FMN1: variants seen among roughly 807,000 people sequenced by gnomAD.
The protein encoded by FMN1 is formin-1.
A neutral mutation model predicts 132.4 loss-of-function variants in FMN1; 110 were observed. The observed-to-expected ratio is 0.83, with a 90% CI of 0.71 to 0.97. FMN1 has a LOEUF of 0.97. Ranked by LOEUF, FMN1 falls within the 50% of genes least tolerant of loss-of-function variation. The pLI is 0.00. For synonymous variants in FMN1, 722 were observed against 651.7 expected (o/e 1.11, Z -1.64); for missense variants, 1,792 against 1,705.3 (o/e 1.05, Z -0.90).
At chr15:32,906,023 A>C (rs572640430) in intron 12 of FMN1, among the ~76,000 whole-genome samples, 28 of 152,344 alleles carry the variant, frequency 1.8e-4, no homozygotes, top group South Asian at 8.3e-4. Flanking sequence ...ATAAACATTA[A>C]AAATGCTTTT....
chr15:33,009,307 T>C (rs1375933), intron 6 of FMN1, among the ~76,000 whole-genome samples: 11,987 of 152,258 alleles, frequency 0.079, 682 homozygotes, highest in Middle Eastern at 0.16. Context: ...TTAGCACCAC[T>C]GTAACTGATG....
At chr15:33,047,386 T>C (rs1048917430) in intron 6 of FMN1, among the ~76,000 whole-genome samples, 2 of 152,242 alleles carry the variant, frequency 1.3e-5, no homozygotes, top group African/African-American at 4.8e-5. Context: ...GCGAGAAATA[T>C]TGGCCACTTT....
At position 33,185,568 on chromosome 15, in the gene FMN1, A is replaced by ATTTTTTTTTTTTTT. The variant is rs57232200; in HGVS notation, c.-196-5320_-196-5307dup. 5.3e-3 allele frequency among the ~76,000 whole-genome samples: 603 copies of ATTTTTTTTTTTTTT among 113,328 alleles called. 53 individuals carry two copies. Among genetic ancestry groups the ATTTTTTTTTTTTTT allele is most frequent in the African/African-American group, 0.023 (542 of 23,812 alleles). The allele number at this position is 113,328 out of a possible 152,430, so 74.3% of individuals were successfully genotyped here. Reference sequence around the variant, plus strand: ...GTAATTTTTTTTTAATAAAGTAAGAATTTTTTTTTTTTTTTTTTTTTTACA... The same window carrying ATTTTTTTTTTTTTT: ...GTAATTTTTTTTTAATAAAGTAAGAATTTTTTTTTTTTTTTTTTTTTTTTTTTTTTTTTTTTACA... On this transcript the variant is annotated intron_variant, in intron 2 of 20. Coordinates refer to ENST00000616417, the MANE Select transcript of FMN1 (RefSeq NM_001277313.2).
chr15:33,078,388 A>T (rs761878995), intron 5 of FMN1, among the ~76,000 whole-genome samples: 3 of 152,150 alleles, frequency 2.0e-5, no homozygotes, highest in Non-Finnish European at 4.4e-5. Context: ...ACATCATTTT[A>T]ATTGGATATT....
intron 2 of FMN1, among the ~76,000 whole-genome samples, chr15:33,192,662 GA>G (rs1467767054): frequency 6.6e-6 from 1 of 152,134 alleles, no homozygotes; most frequent in Non-Finnish European, 1.5e-5. Context: ...GTGCTATAAG[GA>G]ACCTGAAGAC....
At chr15:33,118,071 A>G (rs1159363063) in intron 4 of FMN1, among the ~76,000 whole-genome samples, 1 of 152,208 alleles carries the variant, frequency 6.6e-6, no homozygotes, top group Non-Finnish European at 1.5e-5. Flanking sequence ...GACTTTCCAC[A>G]AGAAGAAATC....
chr15:33,099,427 G>T (rs1035765902), intron 4 of FMN1, among the ~76,000 whole-genome samples: 2 of 152,156 alleles, frequency 1.3e-5, no homozygotes, highest in African/African-American at 2.4e-5. Flanking sequence ...GGCATCTAGG[G>T]TGATTGCTAC....
chr15:32,787,998 A>G (rs1406493134), intron 19 of FMN1, among the ~76,000 whole-genome samples: 1 of 152,238 alleles, frequency 6.6e-6, no homozygotes, highest in African/African-American at 2.4e-5. Flanking sequence ...TAGAGACTGC[A>G]TGCATTTCAC....
intron 6 of FMN1, among the ~76,000 whole-genome samples, chr15:33,047,821 A>G (rs953442807): frequency 6.6e-6 from 1 of 152,150 alleles, no homozygotes; most frequent in Non-Finnish European, 1.5e-5. Context: ...TAGAAACTGC[A>G]TACTTTCCTG....
intron 9 of FMN1, among the ~76,000 whole-genome samples, chr15:32,947,717 T>G (rs531360123): frequency 1.3e-4 from 20 of 152,212 alleles, no homozygotes; most frequent in Non-Finnish European, 2.5e-4. Flanking sequence ...CTACACTGAC[T>G]CGACCATATT....
Position 32,958,054 on chromosome 15 carries a change from T to C in FMN1, c.3138+6053A>G, listed in dbSNP as rs971615312. Among the ~76,000 whole-genome samples the C allele has an allele frequency of 7.9e-5, 12 of 152,170 alleles. No individual in the cohort carries two copies. In the South Asian group the frequency reaches 2.1e-3, roughly 26 times the overall value. ...ATTATAGCTAATATTTTAAATGGAA[T>C]TGATAAGGTCAAAGAAAAACACCAG... On this transcript the variant is annotated intron_variant, in intron 9 of 20. Coordinates refer to ENST00000616417, the MANE Select transcript of FMN1 (RefSeq NM_001277313.2).
chr15:33,104,663 A>G (rs1357205968), intron 4 of FMN1, among the ~76,000 whole-genome samples: 1 of 152,110 alleles, frequency 6.6e-6, no homozygotes, highest in African/African-American at 2.4e-5. Flanking sequence ...TCCTGAAGCA[A>G]TGTTTTCCAC....
intron 6 of FMN1, among the ~76,000 whole-genome samples, chr15:33,048,651 C>CAAAAAAAAAAAAAAAAAAAAAAAAA (rs1338668794): frequency 6.7e-5 from 8 of 120,128 alleles, no homozygotes; most frequent in Non-Finnish European, 1.1e-4. Context: ...AAAAAAAAAC[C>CAAAAAAAAAAAAAAAAAAAAAAAAA]AACAGTTTAA....
At chr15:33,124,587 C>T (rs1338405185) in intron 4 of FMN1, among the ~76,000 whole-genome samples, 8 of 152,128 alleles carry the variant, frequency 5.3e-5, no homozygotes, top group Non-Finnish European at 1.2e-4. Flanking sequence ...TGGTCTTCAC[C>T]ATCAGCATAT....
Position 32,769,208 on chromosome 15 carries a change from A to G in FMN1, c.*5102T>C, listed in dbSNP as rs1222616830. ...CAAGTTGTTAACTACACGTTTCCCA[A>G]ATCCTAACTTTATATCACAGTATTG... On this transcript the variant is annotated 3_prime_UTR_variant, in exon 21 of 21. Transcript: ENST00000616417. 6.6e-6 allele frequency: 1 copy of G among 152,218 alleles called. No homozygotes were observed. The highest frequency in any genetic ancestry group is 1.5e-5 in the Non-Finnish European group (1 of 68,042). 9.4% of individuals were successfully genotyped at this position (152,218 alleles called of 1,614,324 possible).
In FMN1 at chr15:32,908,536, C is replaced by G. The variant is rs754156512; in HGVS notation, c.3331G>C (p.Glu1111Gln). ...DELVKIRKYY[E>Q]TSKEEELKLL... ...TTCAGTTCTTCTTCTTTGGATGTCTCGTAATACTTTCTTATTTTAACCAGC... is the reference window on the plus strand; with the variant it reads ...TTCAGTTCTTCTTCTTTGGATGTCTGGTAATACTTTCTTATTTTAACCAGC... The change falls in exon 12 of 21, where the codon GAG (glutamate) becomes CAG (glutamine). Residue 1111 changes from glutamate (E) to glutamine (Q), a missense_variant. Coordinates refer to ENST00000616417, the MANE Select transcript of FMN1 (RefSeq NM_001277313.2). The G allele has an allele frequency of 6.2e-7, 1 of 1,606,934 alleles. No individual in the cohort carries two copies. The highest frequency in any genetic ancestry group is 8.5e-7 in the Non-Finnish European group (1 of 1,177,290).
rs1280751833 is a variant in FMN1 at position 32,908,484 on chromosome 15, C to G, written c.3377+6G>C. 1 of 1,593,034 alleles carries G rather than the reference C, an allele frequency of 6.3e-7. No homozygotes were observed. Among genetic ancestry groups the G allele is most frequent in the South Asian group, 1.1e-5 (1 of 90,562 alleles). On this transcript the variant is annotated splice_donor_region_variant and intron_variant, in intron 12 of 20. Transcript: ENST00000616417. The stretch of plus-strand genomic sequence containing the variant: ...GGCCTAACAGAAAAATGTTAAGTAT[C>G]CTTACTGCTCAGGTTTATCCAGCAG...
chr15:33,036,514 T>C (rs904753476), intron 6 of FMN1, among the ~76,000 whole-genome samples: 13 of 152,240 alleles, frequency 8.5e-5, no homozygotes. Flanking sequence ...GAAATTAGCA[T>C]GGCTCCCAAT....
chr15:33,024,120 C>A (rs1194597468), intron 6 of FMN1, among the ~76,000 whole-genome samples: 1 of 151,184 alleles, frequency 6.6e-6, no homozygotes, highest in African/African-American at 2.4e-5. Context: ...AGATAAACTC[C>A]AAATGGCTAA....
Sources: gnomAD v4.1 joint callset for allele counts (sites outside exome capture counted in the v4.1 genomes callset) on GRCh38, gnomAD v4.1.1 for gene constraint, MANE v1.5 for transcripts, NCBI Gene and HGNC (gene_info 2026-07-23, HGNC 2026-07-21) for gene names.